Variants in RABGAP1L observed in about 807,000 individuals in gnomAD.
RABGAP1L encodes the protein rab GTPase-activating protein 1-like.
RABGAP1L carries 63 observed loss-of-function variants against 137.7 expected under a neutral mutation model. The observed-to-expected ratio is 0.46, with a 90% CI of 0.37 to 0.56. The LOEUF (loss-of-function observed/expected upper bound fraction) is 0.56, where lower values mean the gene tolerates loss of function less well. Ranked by LOEUF, RABGAP1L falls within the 20% of genes least tolerant of loss-of-function variation. The probability of loss-of-function intolerance (pLI) is 0.00; values close to 1 mark genes in which losing one functional copy is unlikely to be tolerated. For synonymous variants in RABGAP1L, 431 were observed against 433.7 expected, an observed-to-expected ratio of 0.99 and a Z score of 0.08; for missense variants, 1,095 against 1,244.0, an observed-to-expected ratio of 0.88 and a Z score of 1.80.
intron 6 of RABGAP1L, among the ~76,000 whole-genome samples, chr1:174,252,047 C>T (rs1456139327): frequency 2.0e-5 from 3 of 152,054 alleles, no homozygotes; most frequent in Non-Finnish European, 2.9e-5. Flanking sequence ...CAAGCATGCA[C>T]CACCACTCAG....
intron 13 of RABGAP1L, among the ~76,000 whole-genome samples, chr1:174,488,648 A>C (rs1659909336): frequency 6.6e-6 from 1 of 151,896 alleles, no homozygotes; most frequent in African/African-American, 2.4e-5. Context: ...CATTTTTTTA[A>C]GGCCAATAAC....
chr1:174,222,730 C>T (rs1669855485), intron 3 of RABGAP1L, among the ~76,000 whole-genome samples: 1 of 152,004 alleles, frequency 6.6e-6, no homozygotes, highest in South Asian at 2.1e-4. Context: ...ACTAAAGAAT[C>T]CAGCCAATGC....
At position 174,530,908 on chromosome 1, in the gene RABGAP1L, A is replaced by T. The variant is rs556414381; in HGVS notation, c.1711-106467A>T. Among the ~76,000 whole-genome samples, 5 of 152,268 alleles carry T rather than the reference A, an allele frequency of 3.3e-5. No individual in the cohort carries two copies. In the South Asian group the frequency reaches 8.3e-4, roughly 25 times the overall value. On this transcript the variant is annotated intron_variant, in intron 13 of 25. Coordinates refer to ENST00000681986, the MANE Select transcript of RABGAP1L (RefSeq NM_001366446.1). ...GGAATTTTTTTTTAACCAGAAAAAAATTTTAATTGAATCTAATAAAGGGTT... is the reference window on the plus strand; with the variant it reads ...GGAATTTTTTTTTAACCAGAAAAAATTTTTAATTGAATCTAATAAAGGGTT...
At position 174,305,302 on chromosome 1, in the gene RABGAP1L, C is replaced by T. The variant is rs114953875; in HGVS notation, c.1465+175C>T. Among the ~76,000 whole-genome samples the T allele has an allele frequency of 8.9e-3, 1,349 of 152,308 alleles. 24 individuals are homozygous for T. Among genetic ancestry groups the T allele is most frequent in the African/African-American group, 0.031 (1,302 of 41,566 alleles). On this transcript the variant is annotated intron_variant, in intron 11 of 25. Transcript: ENST00000681986. ...TTTGGTTCATTTGGTTCCTAAGTTG[C>T]ATAGTCTCCAGTGCCACTTTTGCAA...
chr1:174,590,547 G>T (rs1207807632), intron 13 of RABGAP1L, among the ~76,000 whole-genome samples: 1 of 94,944 alleles, frequency 1.1e-5, no homozygotes, highest in Non-Finnish European at 2.0e-5. Context: ...TCCCCTTCCT[G>T]TGTCCAAGTG....
At chr1:174,783,227 C>T (rs190145067) in intron 18 of RABGAP1L, among the ~76,000 whole-genome samples, 59 of 152,284 alleles carry the variant, frequency 3.9e-4, no homozygotes, top group African/African-American at 1.4e-3. Flanking sequence ...GCTAAATGCC[C>T]AGGTTTGTCC....
chr1:174,564,607 A>G (rs1667445666), intron 13 of RABGAP1L, among the ~76,000 whole-genome samples: 1 of 151,826 alleles, frequency 6.6e-6, no homozygotes, highest in African/African-American at 2.4e-5. Context: ...TGCTTCCTGT[A>G]CTCTTTTTCC....
At chr1:174,464,454 A>G (rs1223761992) in intron 13 of RABGAP1L, among the ~76,000 whole-genome samples, 3 of 152,184 alleles carry the variant, frequency 2.0e-5, no homozygotes, top group Admixed American at 2.0e-4. Flanking sequence ...GCTGCCTTCA[A>G]TGAGCCTTCT....
intron 14 of RABGAP1L, among the ~76,000 whole-genome samples, chr1:174,670,748 G>A (rs1387915403): frequency 6.6e-6 from 1 of 152,114 alleles, no homozygotes; most frequent in East Asian, 1.9e-4. Flanking sequence ...AGGCTGAATA[G>A]TACTCCATTG....
chr1:174,573,759 CA>C (rs77651711), intron 13 of RABGAP1L, among the ~76,000 whole-genome samples: 70,836 of 145,894 alleles, frequency 0.49, 19,068 homozygotes, highest in African/African-American at 0.77. Context: ...CTATTGAATG[CA>C]AAAAAAAAAA....
At chr1:174,496,812 T>C (rs2149365979) in intron 13 of RABGAP1L, among the ~76,000 whole-genome samples, 1 of 152,300 alleles carries the variant, frequency 6.6e-6, no homozygotes, top group East Asian at 1.9e-4. Flanking sequence ...TATGGAAAGA[T>C]TGTTTGCCTG....
At chr1:174,206,099 G>C (rs998377618) in intron 1 of RABGAP1L, among the ~76,000 whole-genome samples, 3 of 152,134 alleles carry the variant, frequency 2.0e-5, no homozygotes, top group Non-Finnish European at 4.4e-5. Context: ...AAAAATCTTA[G>C]AAATTGGATT....
intron 3 of RABGAP1L, among the ~76,000 whole-genome samples, chr1:174,225,517 A>G (rs1267487721): frequency 1.9e-5 from 2 of 107,388 alleles, no homozygotes; most frequent in Admixed American, 9.5e-5. Flanking sequence ...TTTTTTTTTA[A>G]AGCAGACATT....
At chr1:174,358,554 A>C (rs556026286) in intron 11 of RABGAP1L, among the ~76,000 whole-genome samples, 1 of 152,172 alleles carries the variant, frequency 6.6e-6, no homozygotes, top group Non-Finnish European at 1.5e-5. Context: ...TGACACTTTC[A>C]CATCTTTCTG....
rs573788666 is a variant in RABGAP1L, at chr1:174,775,438, C to G, written c.2211+23084C>G. On this transcript the variant is annotated intron_variant, in intron 18 of 25. Transcript: ENST00000681986. ...AAGAGATTCTCCTGCCTCAGCCTCC[C>G]GAGTAGCTGGGATTACAGGCAGACT... Among the ~76,000 whole-genome samples the G allele has an allele frequency of 2.0e-5, 3 of 151,768 alleles. No homozygotes were observed. The East Asian group carries it at 5.8e-4, about 29-fold the overall frequency.
chr1:174,484,444 G>A (rs1230017653), intron 13 of RABGAP1L, among the ~76,000 whole-genome samples: 5 of 152,124 alleles, frequency 3.3e-5, no homozygotes, highest in Admixed American at 6.5e-5. Context: ...TTGGTTGCCT[G>A]TGCTTGTGTG....
At chr1:174,609,233 AG>A (rs1671001577) in intron 13 of RABGAP1L, among the ~76,000 whole-genome samples, 1 of 152,218 alleles carries the variant, frequency 6.6e-6, no homozygotes, top group Non-Finnish European at 1.5e-5. Flanking sequence ...ACCTTCTCTT[AG>A]CCCTAGAGCC....
chr1:174,674,797 G>T (rs1572763111), intron 14 of RABGAP1L, among the ~76,000 whole-genome samples: 1 of 152,140 alleles, frequency 6.6e-6, no homozygotes, highest in Non-Finnish European at 1.5e-5. Flanking sequence ...GTTTGAGATG[G>T]TATCTCATTG....
intron 13 of RABGAP1L, among the ~76,000 whole-genome samples, chr1:174,435,868 A>G (rs1379042546): frequency 1.4e-5 from 2 of 144,002 alleles, no homozygotes; most frequent in African/African-American, 5.5e-5. Flanking sequence ...ATGTGTTCTC[A>G]TTGTTCGATT....
Sources: allele counts gnomAD v4.1 joint callset (sites outside exome capture counted in the v4.1 genomes callset), GRCh38; gene constraint gnomAD v4.1.1; transcripts MANE v1.5; gene names NCBI Gene and HGNC (gene_info 2026-07-23, HGNC 2026-07-21).